Variants in ANP32B observed in about 807,000 individuals in gnomAD.
The protein encoded by ANP32B is acidic leucine-rich nuclear phosphoprotein 32 family member B.
A neutral mutation model predicts 32.2 loss-of-function variants in ANP32B; 6 were observed. That is an observed-to-expected ratio of 0.19 (90% CI 0.10 to 0.37). ANP32B has a LOEUF of 0.37. ANP32B is among the 10% of genes least tolerant of loss of function. ANP32B has a pLI of 1.00. For synonymous variants in ANP32B, 98 were observed against 105.8 expected (o/e 0.93, Z 0.45); for missense variants, 204 against 289.2 (o/e 0.71, Z 2.14).
intron 2 of ANP32B, among the ~76,000 whole-genome samples, chr9:97,995,957 A>G (rs974482695): frequency 6.6e-6 from 1 of 151,488 alleles, no homozygotes; most frequent in Admixed American, 6.6e-5. Context: ...AAAAAGTATA[A>G]TACATGAATT....
intron 4 of ANP32B, among the ~76,000 whole-genome samples, chr9:98,009,006 A>AT (rs1382391979): frequency 6.6e-6 from 1 of 152,162 alleles, no homozygotes; most frequent in Non-Finnish European, 1.5e-5. Flanking sequence ...TTATCTCCTG[A>AT]TTCACAGGGC....
chr9:97,998,231 G>A (rs1215858692), intron 2 of ANP32B, among the ~76,000 whole-genome samples: 1 of 152,192 alleles, frequency 6.6e-6, no homozygotes, highest in East Asian at 1.9e-4. Flanking sequence ...CTTTCTGGCA[G>A]GTATAGGGTA....
chr9:98,008,179 A>G (rs1828119602), intron 4 of ANP32B, among the ~76,000 whole-genome samples: 1 of 152,098 alleles, frequency 6.6e-6, no homozygotes, highest in Non-Finnish European at 1.5e-5. Flanking sequence ...CCATGTGTCC[A>G]TGTATACTCA....
At chr9:98,013,954 C>A (rs1165296445) in intron 6 of ANP32B, among the ~76,000 whole-genome samples, 1 of 152,106 alleles carries the variant, frequency 6.6e-6, no homozygotes, top group African/African-American at 2.4e-5. Flanking sequence ...TGCAGTGAGG[C>A]TATGATAGTG....
chr9:97,990,056 C>G (rs913967788), intron 1 of ANP32B, among the ~76,000 whole-genome samples: 15 of 152,164 alleles, frequency 9.9e-5, no homozygotes, highest in African/African-American at 3.6e-4. Context: ...ACCACTCATA[C>G]CTATGTAGAC....
intron 3 of ANP32B, chr9:98,002,344 G>A (rs1778769226): frequency 6.6e-6 from 1 of 152,038 alleles, no homozygotes; most frequent in South Asian, 2.1e-4. Context: ...AAGAGACCTG[G>A]GCCATCCAAA....
chr9:97,995,074 G>A (rs987939494), intron 2 of ANP32B, among the ~76,000 whole-genome samples: 5 of 152,182 alleles, frequency 3.3e-5, no homozygotes, highest in African/African-American at 9.7e-5. Context: ...TAGTAGTTAG[G>A]AAGAATAATT....
intron 4 of ANP32B, among the ~76,000 whole-genome samples, chr9:98,010,288 T>TA (rs1564141523): frequency 2.0e-5 from 3 of 150,846 alleles, no homozygotes; most frequent in African/African-American, 7.3e-5. Flanking sequence ...TTTTTTTTTT[T>TA]AAATCATAAA....
chr9:98,015,673 T>C lies in ANP32B; in HGVS notation c.*242T>C. 8.4e-7 allele frequency: 1 copy of C among 1,185,896 alleles called. No homozygotes were observed. The allele number at this position is 1,185,896 out of a possible 1,614,324, so 73.5% of individuals were successfully genotyped here. Reference sequence around the variant, plus strand: ...CAAAATTGTAAGCGTTGTTAGGTTTTTGTGTAAGATTCTTGCTGTAGCGTG... The same window carrying C: ...CAAAATTGTAAGCGTTGTTAGGTTTCTGTGTAAGATTCTTGCTGTAGCGTG... On this transcript the variant is annotated 3_prime_UTR_variant, in exon 7 of 7. Coordinates refer to ENST00000339399, the MANE Select transcript of ANP32B (RefSeq NM_006401.3).
intron 1 of ANP32B, among the ~76,000 whole-genome samples, chr9:97,989,294 A>G (rs563174851): frequency 4.6e-5 from 7 of 152,336 alleles, no homozygotes; most frequent in East Asian, 3.9e-4. Flanking sequence ...AAATTTTTCA[A>G]TGAAAAAGTA....
chr9:97,988,132 G>A (rs1030190288), intron 1 of ANP32B, among the ~76,000 whole-genome samples: 1 of 150,218 alleles, frequency 6.7e-6, no homozygotes, highest in Non-Finnish European at 1.5e-5. Flanking sequence ...CTAGCTTGTT[G>A]CTTTTTTTTT....
chr9:97,987,096 T>C (rs1488453128), intron 1 of ANP32B, among the ~76,000 whole-genome samples: 1 of 152,228 alleles, frequency 6.6e-6, no homozygotes, highest in Non-Finnish European at 1.5e-5. Context: ...GTTCACCTGT[T>C]ACTATATCCC....
intron 1 of ANP32B, among the ~76,000 whole-genome samples, chr9:97,993,667 A>T (rs1384717662): frequency 6.6e-6 from 1 of 152,136 alleles, no homozygotes; most frequent in Non-Finnish European, 1.5e-5. Context: ...ATGGAGTCTC[A>T]CTCTGTTGCC....
At chr9:98,003,124 C>T (rs1318714324) in intron 3 of ANP32B, among the ~76,000 whole-genome samples, 2 of 152,156 alleles carry the variant, frequency 1.3e-5, no homozygotes, top group African/African-American at 4.8e-5. Context: ...ACAAAAGCAG[C>T]TCTATGACCA....
chr9:97,992,793 G>C (rs1013494485), intron 1 of ANP32B, among the ~76,000 whole-genome samples: 5 of 152,174 alleles, frequency 3.3e-5, no homozygotes, highest in African/African-American at 4.8e-5. Context: ...TATAAGTAAA[G>C]TAAACAGCAA....
chr9:97,989,835 A>T (rs1173198942), intron 1 of ANP32B, among the ~76,000 whole-genome samples: 1 of 152,206 alleles, frequency 6.6e-6, no homozygotes, highest in African/African-American at 2.4e-5. Flanking sequence ...CAGAGTTGAT[A>T]TAAAGATTGT....
intron 4 of ANP32B, among the ~76,000 whole-genome samples, chr9:98,010,759 G>T (rs1018959584): frequency 2.0e-5 from 3 of 152,194 alleles, no homozygotes; most frequent in Middle Eastern, 3.4e-3. Flanking sequence ...TGAGTCACAG[G>T]GTTATTATGG....
chr9:98,010,963 C>G (rs1168912265), intron 4 of ANP32B, among the ~76,000 whole-genome samples: 1 of 152,060 alleles, frequency 6.6e-6, no homozygotes, highest in Non-Finnish European at 1.5e-5. Flanking sequence ...CATAGCTGAT[C>G]TTATTTTATT....
chr9:98,013,028 C>G (rs564527308), intron 6 of ANP32B, among the ~76,000 whole-genome samples: 1 of 152,222 alleles, frequency 6.6e-6, no homozygotes, highest in East Asian at 1.9e-4. Flanking sequence ...CCACACCCGG[C>G]CTGTTGTTTT....
Sources: gnomAD v4.1 joint callset for allele counts (sites outside exome capture counted in the v4.1 genomes callset) on GRCh38, gnomAD v4.1.1 for gene constraint, MANE v1.5 for transcripts, NCBI Gene and HGNC (gene_info 2026-07-23, HGNC 2026-07-21) for gene names.